Variants in DNAH6 observed in about 807,000 individuals in gnomAD.
DNAH6 encodes axonemal beta dynein heavy chain 6.
DNAH6 carries 340 observed loss-of-function variants against 491.4 expected under a neutral mutation model. The ratio of observed to expected loss-of-function variants is 0.69; its 90% CI spans 0.63 to 0.76. The LOEUF is 0.76. Among genes scored for constraint, DNAH6 ranks in the 30% least tolerant of loss-of-function variants. DNAH6 has a pLI of 0.00. For missense variants in DNAH6, 4,443 were observed against 4,972.2 expected, an observed-to-expected ratio of 0.89 and a Z score of 3.20; for synonymous variants, 1,603 against 1,686.1, an observed-to-expected ratio of 0.95 and a Z score of 1.21.
chr2:84,630,450 C>G (rs1185588088), intron 29 of DNAH6, among the ~76,000 whole-genome samples: 1 of 152,082 alleles, frequency 6.6e-6, no homozygotes, highest in Admixed American at 6.6e-5. Context: ...TACCAGTTTT[C>G]AAGAAGTACA....
intron 64 of DNAH6, among the ~76,000 whole-genome samples, chr2:84,764,589 A>G (rs1452856826): frequency 1.3e-5 from 2 of 152,180 alleles, no homozygotes; most frequent in Non-Finnish European, 2.9e-5. Context: ...TTCACTACTG[A>G]ATTTGCATCA....
chr2:84,645,948 A>G (rs1197651138), intron 33 of DNAH6, among the ~76,000 whole-genome samples: 1 of 152,190 alleles, frequency 6.6e-6, no homozygotes, highest in Non-Finnish European at 1.5e-5. Flanking sequence ...GGGCAGAGGT[A>G]TCTACAGGCA....
intron 22 of DNAH6, among the ~76,000 whole-genome samples, chr2:84,614,109 A>G (rs1269344311): frequency 6.7e-6 from 1 of 149,022 alleles, no homozygotes; most frequent in Non-Finnish European, 1.5e-5. Context: ...GTGATTTCTG[A>G]GATTTTGGTG....
intron 5 of DNAH6, among the ~76,000 whole-genome samples, chr2:84,545,831 G>A (rs377612974): frequency 2.6e-5 from 4 of 152,180 alleles, no homozygotes; most frequent in Non-Finnish European, 2.9e-5. Flanking sequence ...AGTTGTCCTC[G>A]TTTTCTTTTT....
intron 33 of DNAH6, among the ~76,000 whole-genome samples, chr2:84,647,630 T>C (rs1168442893): frequency 6.6e-6 from 1 of 152,222 alleles, no homozygotes; most frequent in African/African-American, 2.4e-5. Context: ...TGACAGTATG[T>C]CTGTTTAGAG....
chr2:84,692,464 G>GATAGATAT (rs1366642041), intron 45 of DNAH6, among the ~76,000 whole-genome samples: 1 of 149,044 alleles, frequency 6.7e-6, no homozygotes, highest in East Asian at 1.9e-4. Context: ...TAGATAGATA[G>GATAGATAT]ATAGATAGAT....
At chr2:84,810,649 G>A (rs1315220433) in intron 72 of DNAH6, among the ~76,000 whole-genome samples, 1 of 152,218 alleles carries the variant, frequency 6.6e-6, no homozygotes, top group Non-Finnish European at 1.5e-5. Flanking sequence ...CAGCCAGGCA[G>A]TACTATGGTG....
the DNAH6 span, among the ~76,000 whole-genome samples, chr2:84,487,438 T>C: frequency 6.6e-6 from 1 of 152,186 alleles, no homozygotes; most frequent in African/African-American, 2.4e-5. Flanking sequence ...AACTTATCAC[T>C]GACAGCTTGA....
chr2:84,465,540 G>A, the DNAH6 span, among the ~76,000 whole-genome samples: 1 of 152,094 alleles, frequency 6.6e-6, no homozygotes, highest in Non-Finnish European at 1.5e-5. Flanking sequence ...AGCTTGTCCT[G>A]TATTCCCACA....
intron 33 of DNAH6, among the ~76,000 whole-genome samples, chr2:84,645,720 C>T (rs183554274): frequency 6.6e-6 from 1 of 152,308 alleles, no homozygotes; most frequent in Admixed American, 6.5e-5. Context: ...CAGATATTTA[C>T]TCCAAGACTT....
At chr2:84,739,752 C>T (rs1325297261) in intron 62 of DNAH6, among the ~76,000 whole-genome samples, 4 of 152,102 alleles carry the variant, frequency 2.6e-5, no homozygotes, top group African/African-American at 9.7e-5. Context: ...CTGTTCTGTT[C>T]TTAATATAGC....
chr2:84,707,393 A>C (rs1696578017), intron 53 of DNAH6, 127 bp from the exon 54 acceptor site: 1 of 933,954 alleles, frequency 1.1e-6, no homozygotes, highest in African/African-American at 1.7e-5. Flanking sequence ...GTAAGGTTTC[A>C]TAGAGATGTA....
intron 34 of DNAH6, among the ~76,000 whole-genome samples, chr2:84,654,242 G>A (rs955413641): frequency 1.3e-5 from 2 of 152,112 alleles, no homozygotes; most frequent in Non-Finnish European, 2.9e-5. Context: ...TATTTGATGA[G>A]GGATTGGGAG....
chr2:84,710,041 C>T (rs1193732641), intron 55 of DNAH6, among the ~76,000 whole-genome samples: 3 of 152,196 alleles, frequency 2.0e-5, no homozygotes, highest in Non-Finnish European at 2.9e-5. Context: ...ACATGAATAC[C>T]ATAAGCATGA....
chr2:84,664,452 A>C lies in DNAH6; in HGVS notation c.6085-4837A>C, dbSNP rs566445544. ...AAAAAAAAGCAGGGGTTGCAATCTT[A>C]GTCTCTGATAAAACAGACTTTAAAC... On this transcript the variant is annotated intron_variant, in intron 37 of 76. Transcript: ENST00000389394. Among the ~76,000 whole-genome samples the C allele has an allele frequency of 3.3e-5, 5 of 152,334 alleles. No individual in the cohort carries two copies. The East Asian group carries it at 7.7e-4, about 23-fold the overall frequency.
chr2:84,606,948 C>T, intron 20 of DNAH6, 28 bp from the exon 21 acceptor site: 1 of 1,545,190 alleles, frequency 6.5e-7, no homozygotes, highest in Non-Finnish European at 8.8e-7. Context: ...CTGGGTGCTG[C>T]ATGTATTTTC....
chr2:84,626,135 C>T (rs930093169), intron 29 of DNAH6, among the ~76,000 whole-genome samples: 4 of 151,932 alleles, frequency 2.6e-5, no homozygotes, highest in African/African-American at 9.7e-5. Flanking sequence ...CATGGATTTG[C>T]AGGGATCCTT....
In DNAH6 at chr2:84,769,067, CT is replaced by C. The variant is rs1274295160; in HGVS notation, c.10703+6123del. 2.0e-5 allele frequency among the ~76,000 whole-genome samples: 3 copies of C among 152,210 alleles called. No individual in the cohort carries two copies. The East Asian group carries it at 5.8e-4, about 29-fold the overall frequency. On this transcript the variant is annotated intron_variant, in intron 64 of 76. Transcript: ENST00000389394. ...TAAACTCATACTTGGCTCCCAGCCA[CT>C]ATTGTCTGTAAAAGGTACAATTGCC...
intron 46 of DNAH6, among the ~76,000 whole-genome samples, 168 bp downstream of exon 46, chr2:84,694,648 C>G (rs1198164451): frequency 6.6e-6 from 1 of 152,174 alleles, no homozygotes; most frequent in Non-Finnish European, 1.5e-5. Flanking sequence ...ATTTATTTTA[C>G]CAAGTATTGT....
Sources: gnomAD v4.1 joint callset for allele counts (sites outside exome capture counted in the v4.1 genomes callset) on GRCh38, gnomAD v4.1.1 for gene constraint, MANE v1.5 for transcripts, NCBI Gene and HGNC (gene_info 2026-07-23, HGNC 2026-07-21) for gene names.